Variants in PDE8B observed in about 807,000 individuals in gnomAD.
The protein encoded by PDE8B is high affinity cAMP-specific and IBMX-insensitive 3',5'-cyclic phosphodiesterase 8B.
A neutral mutation model predicts 101.3 loss-of-function variants in PDE8B; 26 were observed. That is an observed-to-expected ratio of 0.26 (90% CI 0.19 to 0.36). The LOEUF is 0.36. PDE8B is among the 10% of genes least tolerant of loss of function. PDE8B has a pLI of 1.00. For missense variants in PDE8B, 810 were observed against 1,163.1 expected (o/e 0.70, Z 4.42); for synonymous variants, 424 against 429.3 (o/e 0.99, Z 0.15).
At chr5:77,225,848 GCA>G (rs3087185) in intron 1 of PDE8B, among the ~76,000 whole-genome samples, 4,037 of 144,170 alleles carry the variant, frequency 0.028, 59 homozygotes, top group Middle Eastern at 0.039. Flanking sequence ...ACATGCGCGT[GCA>G]CACACACACA....
At chr5:77,245,199 C>T (rs1470538015) in intron 1 of PDE8B, among the ~76,000 whole-genome samples, 1 of 152,166 alleles carries the variant, frequency 6.6e-6, no homozygotes, top group Non-Finnish European at 1.5e-5. Flanking sequence ...ATGATTTTAG[C>T]TACTCTCCAT....
At chr5:77,120,008 C>CAAAAG in the PDE8B span, among the ~76,000 whole-genome samples, 1 of 151,336 alleles carries the variant, frequency 6.6e-6, no homozygotes, top group Non-Finnish European at 1.5e-5. Flanking sequence ...CTAAACAAAA[C>CAAAAG]AAAACAAAAC....
At chr5:77,156,951 G>T in the PDE8B span, among the ~76,000 whole-genome samples, 1 of 152,144 alleles carries the variant, frequency 6.6e-6, no homozygotes, top group Non-Finnish European at 1.5e-5. Context: ...TCTCTGCCTG[G>T]AGTGGCATCT....
the PDE8B span, chr5:77,144,205 A>C: frequency 6.6e-6 from 1 of 152,314 alleles, no homozygotes. Context: ...AGGTCTTGGC[A>C]GTCAGGATGT....
At chr5:77,342,906 A>C (rs1779471195) in intron 6 of PDE8B, among the ~76,000 whole-genome samples, 1 of 152,160 alleles carries the variant, frequency 6.6e-6, no homozygotes, top group Non-Finnish European at 1.5e-5. Flanking sequence ...AGGAGAAAAA[A>C]TGTTTTTGTG....
intron 1 of PDE8B, among the ~76,000 whole-genome samples, chr5:77,282,421 C>A (rs1239557359): frequency 6.6e-6 from 1 of 152,092 alleles, no homozygotes; most frequent in Non-Finnish European, 1.5e-5. Context: ...GCCCCTTGGA[C>A]AGTCAGGGAG....
At chr5:77,423,686 C>T (rs1427083197) in intron 20 of PDE8B, among the ~76,000 whole-genome samples, 1 of 114,612 alleles carries the variant, frequency 8.7e-6, no homozygotes, top group African/African-American at 3.3e-5. Context: ...GTTGCCCAGG[C>T]TGGAGTGCAG....
At chr5:77,148,550 C>G in the PDE8B span, 19 of 152,312 alleles carry the variant, frequency 1.2e-4, no homozygotes, top group African/African-American at 4.3e-4. Flanking sequence ...GGTATTGTCT[C>G]TCTTTTACAT....
intron 1 of PDE8B, among the ~76,000 whole-genome samples, chr5:77,242,216 A>C (rs1755908000): frequency 6.6e-6 from 1 of 152,160 alleles, no homozygotes; most frequent in Non-Finnish European, 1.5e-5. Context: ...TGTGTTTACA[A>C]TTTTCCCCTC....
intron 2 of PDE8B, among the ~76,000 whole-genome samples, chr5:77,321,584 T>A (rs28684701): frequency 0.064 from 9,807 of 152,240 alleles, 476 homozygotes; most frequent in South Asian, 0.14. Flanking sequence ...AGAGTCCAAT[T>A]TGGGCTACTT....
the PDE8B span, chr5:77,180,505 G>C: frequency 5.1e-6 from 5 of 984,728 alleles, no homozygotes; most frequent in East Asian, 1.1e-4. Flanking sequence ...CCAGCGCGGG[G>C]GACCGCGCAG....
the PDE8B span, among the ~76,000 whole-genome samples, chr5:77,102,900 G>A: frequency 6.6e-6 from 1 of 152,186 alleles, no homozygotes; most frequent in Non-Finnish European, 1.5e-5. Context: ...TCTCACCTGC[G>A]TGGCCAAGAT....
intron 1 of PDE8B, among the ~76,000 whole-genome samples, chr5:77,260,028 G>A (rs1760140450): frequency 6.6e-6 from 1 of 151,954 alleles, no homozygotes. Context: ...GGTGGCCATG[G>A]TGGCCCATGC....
intron 1 of PDE8B, among the ~76,000 whole-genome samples, chr5:77,310,189 G>T (rs574503899): frequency 6.6e-6 from 1 of 152,270 alleles, no homozygotes; most frequent in African/African-American, 2.4e-5. Context: ...GACTTCAGGT[G>T]ATCTGCCCAC....
the PDE8B span, chr5:77,144,418 C>T: frequency 0.16 from 24,739 of 152,094 alleles, 4,092 homozygotes; most frequent in African/African-American, 0.43. Context: ...GTGAAAATTG[C>T]GTGGCTCCAA....
At chr5:77,158,411 G>A in the PDE8B span, among the ~76,000 whole-genome samples, 26 of 152,338 alleles carry the variant, frequency 1.7e-4, no homozygotes, top group African/African-American at 6.0e-4. Context: ...GCTTAAGGAA[G>A]TAGGTAGTAT....
At chr5:77,270,882 G>T (rs775138590) in intron 1 of PDE8B, among the ~76,000 whole-genome samples, 1 of 152,166 alleles carries the variant, frequency 6.6e-6, no homozygotes, top group African/African-American at 2.4e-5. Context: ...GGAGGACTCC[G>T]GAGTCACACA....
intron 1 of PDE8B, among the ~76,000 whole-genome samples, chr5:77,251,388 G>A (rs973475305): frequency 2.0e-5 from 3 of 152,196 alleles, no homozygotes; most frequent in African/African-American, 7.2e-5. Flanking sequence ...CATCTTTGCC[G>A]CTTAAAGAGC....
intron 10 of PDE8B, among the ~76,000 whole-genome samples, chr5:77,385,213 T>A (rs918931265): frequency 2.6e-5 from 4 of 152,186 alleles, no homozygotes; most frequent in African/African-American, 9.6e-5. Context: ...AGGGTGTATG[T>A]GTCCAGGAAT....
Sources: allele counts gnomAD v4.1 joint callset (sites outside exome capture counted in the v4.1 genomes callset), GRCh38; gene constraint gnomAD v4.1.1; transcripts MANE v1.5; gene names NCBI Gene and HGNC (gene_info 2026-07-23, HGNC 2026-07-21).